The following NCAM2 variants were observed in gnomAD, a reference collection of about 807,000 sequenced individuals.
The protein encoded by NCAM2 is neural cell adhesion molecule 2.
Under a neutral mutation model 98.1 loss-of-function variants are expected in NCAM2, and 30 were observed. The ratio of observed to expected loss-of-function variants is 0.31; its 90% confidence interval spans 0.23 to 0.41. The LOEUF (loss-of-function observed/expected upper bound fraction) is 0.41, where lower values mean the gene tolerates loss of function less well. Ranked by LOEUF, NCAM2 falls within the 10% of genes least tolerant of loss-of-function variation. The probability of loss-of-function intolerance (pLI) is 1.00; values close to 1 mark genes in which losing one functional copy is unlikely to be tolerated. For synonymous variants in NCAM2, 368 were observed against 342.4 expected (o/e 1.07, Z -0.83); for missense variants, 867 against 1,005.8 (o/e 0.86, Z 1.87).
rs2076146340 is a variant in NCAM2, at chr21:21,381,188, T to C, written c.1195+7175T>C. The stretch of plus-strand genomic sequence containing the variant: ...TTTACTTTTTCTGGGCTACATACAG[T>C]CTCTGCCATATTTTTTTTTCTCTTG... On this transcript the variant is annotated intron_variant, in intron 9 of 17. Coordinates refer to ENST00000400546, the MANE Select transcript of NCAM2 (RefSeq NM_004540.5). Among the ~76,000 whole-genome samples, 4 of 152,238 alleles carry C rather than the reference T, an allele frequency of 2.6e-5. No individual in the cohort carries two copies. In the South Asian group the frequency reaches 8.3e-4, roughly 32 times the overall value.
intron 9 of NCAM2, among the ~76,000 whole-genome samples, chr21:21,374,621 C>G (rs1002174344): frequency 6.6e-6 from 1 of 151,798 alleles, no homozygotes; most frequent in East Asian, 1.9e-4. Flanking sequence ...CAAAACCCCT[C>G]TGGTCACTGC....
chr21:21,370,100 C>A (rs1293542025), intron 8 of NCAM2, among the ~76,000 whole-genome samples: 1 of 151,776 alleles, frequency 6.6e-6, no homozygotes, highest in Non-Finnish European at 1.5e-5. Flanking sequence ...AATTACATAG[C>A]CAGTACAGTT....
chr21:21,241,652 G>A (rs1173679811), intron 1 of NCAM2, among the ~76,000 whole-genome samples: 2 of 151,954 alleles, frequency 1.3e-5, no homozygotes, highest in African/African-American at 2.4e-5. Flanking sequence ...TGAAGGAACT[G>A]CCAGGTTGTA....
chr21:21,263,768 A>C (rs936953701), intron 1 of NCAM2, among the ~76,000 whole-genome samples: 1 of 152,156 alleles, frequency 6.6e-6, no homozygotes, highest in African/African-American at 2.4e-5. Context: ...AAGGATGGCT[A>C]TTCAATAAAT....
intron 1 of NCAM2, among the ~76,000 whole-genome samples, chr21:21,090,472 T>C (rs1360991535): frequency 6.6e-6 from 1 of 152,156 alleles, no homozygotes; most frequent in Admixed American, 6.5e-5. Context: ...TAAACAAAAC[T>C]CTTGATGATA....
intron 1 of NCAM2, among the ~76,000 whole-genome samples, chr21:21,192,867 T>C (rs2068868689): frequency 6.6e-6 from 1 of 152,150 alleles, no homozygotes; most frequent in Non-Finnish European, 1.5e-5. Context: ...AGAGGTTTCC[T>C]GGACCAGAAC....
intron 1 of NCAM2, among the ~76,000 whole-genome samples, chr21:21,150,659 A>G (rs1007792437): frequency 6.6e-6 from 1 of 152,054 alleles, no homozygotes; most frequent in African/African-American, 2.4e-5. Context: ...TTCTTGGGAT[A>G]AATCCAGCTT....
chr21:21,187,819 T>C (rs1486898581), intron 1 of NCAM2, among the ~76,000 whole-genome samples: 1 of 152,202 alleles, frequency 6.6e-6, no homozygotes, highest in African/African-American at 2.4e-5. Flanking sequence ...CACCGAACTG[T>C]CTTGAGACTA....
chr21:21,134,710 C>CTTT (rs3071995), intron 1 of NCAM2, among the ~76,000 whole-genome samples: 6 of 134,358 alleles, frequency 4.5e-5, no homozygotes, highest in Non-Finnish European at 6.3e-5. Flanking sequence ...ATATTGCAGC[C>CTTT]TTTTTTTTTT....
intron 1 of NCAM2, among the ~76,000 whole-genome samples, chr21:21,191,189 G>T (rs1197072233): frequency 1.3e-5 from 2 of 152,132 alleles, no homozygotes; most frequent in African/African-American, 4.8e-5. Context: ...TACAGAACAG[G>T]TGGACTGCAT....
intron 8 of NCAM2, among the ~76,000 whole-genome samples, chr21:21,347,893 C>T (rs1485923048): frequency 6.6e-6 from 1 of 151,958 alleles, no homozygotes. Context: ...GCTGAAAGAG[C>T]ATTTGATAAA....
At chr21:21,370,724 G>A (rs2075895917) in intron 8 of NCAM2, among the ~76,000 whole-genome samples, 1 of 151,762 alleles carries the variant, frequency 6.6e-6, no homozygotes, top group Admixed American at 6.6e-5. Context: ...AAGCTTATAA[G>A]CTGTGGGATG....
intron 12 of NCAM2, among the ~76,000 whole-genome samples, chr21:21,437,890 G>A (rs6518104): frequency 0.027 from 3,983 of 148,214 alleles, 180 homozygotes; most frequent in African/African-American, 0.095. Context: ...TTGAAAATTA[G>A]AATACATATT....
chr21:21,267,209 A>G (rs1333173529), intron 1 of NCAM2, among the ~76,000 whole-genome samples: 3 of 152,154 alleles, frequency 2.0e-5, no homozygotes, highest in Non-Finnish European at 4.4e-5. Context: ...TTTTGATACT[A>G]TTACAATTTT....
At chr21:21,015,196 TAAAAC>T (rs1437673585) in intron 1 of NCAM2, among the ~76,000 whole-genome samples, 2 of 152,196 alleles carry the variant, frequency 1.3e-5, no homozygotes, top group African/African-American at 4.8e-5. Context: ...ACTTAGTTAA[TAAAAC>T]AGTCAGAGGG....
intron 1 of NCAM2, among the ~76,000 whole-genome samples, chr21:21,198,093 A>C (rs1259413232): frequency 6.6e-6 from 1 of 151,818 alleles, no homozygotes; most frequent in Non-Finnish European, 1.5e-5. Flanking sequence ...ATTTTTATGT[A>C]TTTTTATATA....
At chr21:21,319,654 CAAT>C (rs913768151) in intron 5 of NCAM2, among the ~76,000 whole-genome samples, 2 of 151,824 alleles carry the variant, frequency 1.3e-5, no homozygotes, top group African/African-American at 4.8e-5. Flanking sequence ...AAAAAATAAA[CAAT>C]AATAACTAAC....
intron 1 of NCAM2, among the ~76,000 whole-genome samples, chr21:21,096,507 C>T (rs2066127384): frequency 6.6e-6 from 1 of 151,668 alleles, no homozygotes; most frequent in African/African-American, 2.4e-5. Context: ...GTATTTAATA[C>T]TCTAAAACAT....
At chr21:21,150,590 A>G (rs528610034) in intron 1 of NCAM2, among the ~76,000 whole-genome samples, 1 of 152,188 alleles carries the variant, frequency 6.6e-6, no homozygotes, top group South Asian at 2.1e-4. Flanking sequence ...TATCTTTATG[A>G]TCATATGGTT....
Sources: gnomAD v4.1 joint callset for allele counts (sites outside exome capture counted in the v4.1 genomes callset) on GRCh38, gnomAD v4.1.1 for gene constraint, MANE v1.5 for transcripts, NCBI Gene and HGNC (gene_info 2026-07-23, HGNC 2026-07-21) for gene names.